Variants in CSMD1 observed in about 807,000 individuals in gnomAD.
The protein encoded by CSMD1 is CUB and Sushi multiple domains 1, also known as CUB and sushi domain-containing protein 1.
Under a neutral mutation model 417.5 loss-of-function variants are expected in CSMD1, and 213 were observed. The observed-to-expected ratio is 0.51, with a 90% CI of 0.46 to 0.57. The LOEUF (loss-of-function observed/expected upper bound fraction) is 0.57. Ranked by LOEUF, CSMD1 falls within the 20% of genes least tolerant of loss-of-function variation. CSMD1 has a pLI of 0.00. For synonymous variants in CSMD1, 2,862 were observed against 1,736.8 expected (o/e 1.65, Z -16.11); for missense variants, 6,923 against 4,529.7 (o/e 1.53, Z -15.17).
At chr8:4,445,676 C>G (rs1442274407) in intron 2 of CSMD1, among the ~76,000 whole-genome samples, 3 of 152,184 alleles carry the variant, frequency 2.0e-5, no homozygotes, top group African/African-American at 7.2e-5. Flanking sequence ...GAGAACATTA[C>G]ATTGTCACTT....
intron 3 of CSMD1, among the ~76,000 whole-genome samples, chr8:4,319,680 G>T (rs1425733607): frequency 6.6e-6 from 1 of 152,090 alleles, no homozygotes; most frequent in Non-Finnish European, 1.5e-5. Flanking sequence ...ACAGAGAAGG[G>T]AAGCAATCCA....
intron 3 of CSMD1, among the ~76,000 whole-genome samples, chr8:4,396,705 G>A (rs1404935670): frequency 6.6e-6 from 1 of 151,804 alleles, no homozygotes; most frequent in African/African-American, 2.4e-5. Context: ...GCCATAAAAT[G>A]GAATGAAATC....
intron 5 of CSMD1, among the ~76,000 whole-genome samples, chr8:3,931,120 T>C (rs563689484): frequency 2.1e-4 from 32 of 150,730 alleles, no homozygotes; most frequent in African/African-American, 7.3e-4. Flanking sequence ...TAGGCCGATA[T>C]TGCAGGGTAA....
intron 6 of CSMD1, among the ~76,000 whole-genome samples, chr8:3,726,575 G>A (rs1563314952): frequency 6.6e-6 from 1 of 152,314 alleles, no homozygotes; most frequent in African/African-American, 2.4e-5. Flanking sequence ...TTCAGGAGAA[G>A]CAGGAAATCT....
intron 10 of CSMD1, among the ~76,000 whole-genome samples, chr8:3,498,912 A>G (rs1407325612): frequency 1.3e-5 from 2 of 151,772 alleles, no homozygotes; most frequent in Non-Finnish European, 2.9e-5. Context: ...TACTTTTTGA[A>G]TTGTCTATTT....
At chr8:3,526,336 T>A (rs981551398) in intron 10 of CSMD1, among the ~76,000 whole-genome samples, 1 of 152,088 alleles carries the variant, frequency 6.6e-6, no homozygotes, top group African/African-American at 2.4e-5. Context: ...TTGTGGAAAT[T>A]GGACACTCCA....
Position 3,505,181 on chromosome 8 carries a change from A to T in CSMD1, c.1345-11455T>A, listed in dbSNP as rs372393642. On this transcript the variant is annotated intron_variant, in intron 10 of 69. Coordinates refer to ENST00000635120, the MANE Select transcript of CSMD1 (RefSeq NM_033225.6). ...TATGAAAGAGGGTAGAGTAAGTATT[A>T]AAAAATGAGAGACTGGGAATGTAAA... Among the ~76,000 whole-genome samples, 3 of 152,326 alleles carry T rather than the reference A, an allele frequency of 2.0e-5. No homozygotes were observed. The East Asian group carries it at 5.8e-4, about 29-fold the overall frequency.
chr8:3,654,470 C>A (rs1035687294), intron 7 of CSMD1, among the ~76,000 whole-genome samples: 5 of 152,108 alleles, frequency 3.3e-5, no homozygotes, highest in Non-Finnish European at 5.9e-5. Flanking sequence ...AGAGGGTACA[C>A]AGGAGCTTTT....
intron 2 of CSMD1, among the ~76,000 whole-genome samples, chr8:4,469,016 G>T (rs1021262509): frequency 6.6e-6 from 1 of 152,156 alleles, no homozygotes; most frequent in African/African-American, 2.4e-5. Context: ...AGGAAAAAAA[G>T]TTCAAAAGAC....
At chr8:3,864,552 T>A (rs2129107388) in intron 5 of CSMD1, among the ~76,000 whole-genome samples, 1 of 152,304 alleles carries the variant, frequency 6.6e-6, no homozygotes, top group Admixed American at 6.5e-5. Flanking sequence ...TGTGCCATGT[T>A]GGTGTACTGC....
At position 3,488,462 on chromosome 8, in the gene CSMD1, A is replaced by G. The variant is rs376358829; in HGVS notation, c.1448+5161T>C. 7.2e-5 allele frequency among the ~76,000 whole-genome samples: 11 copies of G among 152,330 alleles called. No homozygotes were observed. The East Asian group carries it at 1.9e-3, about 27-fold the overall frequency. On this transcript the variant is annotated intron_variant, in intron 11 of 69. Transcript: ENST00000635120. ...AAGGCTAAAACCGATAGATAAATGT[A>G]TCTGGAAGATAGTATGCTTCTTGCA... is the stretch of plus-strand genomic sequence containing the variant.
At chr8:4,987,468 A>C (rs890822544) in intron 1 of CSMD1, among the ~76,000 whole-genome samples, 1 of 152,232 alleles carries the variant, frequency 6.6e-6, no homozygotes, top group African/African-American at 2.4e-5. Context: ...TATCTGAATA[A>C]TTCAGACAAA....
intron 17 of CSMD1, among the ~76,000 whole-genome samples, chr8:3,394,376 G>C (rs571127255): frequency 6.6e-6 from 1 of 151,140 alleles, no homozygotes; most frequent in South Asian, 2.1e-4. Flanking sequence ...TTTCCAGAAA[G>C]AGAAATAAGA....
At chr8:3,330,688 A>C (rs1269960276) in intron 23 of CSMD1, among the ~76,000 whole-genome samples, 1 of 151,886 alleles carries the variant, frequency 6.6e-6, no homozygotes. Context: ...TGTACAACAA[A>C]CCCCCGTGAC....
intron 37 of CSMD1, among the ~76,000 whole-genome samples, chr8:3,168,442 T>C (rs1398050045): frequency 6.6e-6 from 1 of 152,028 alleles, no homozygotes; most frequent in Non-Finnish European, 1.5e-5. Context: ...ATTCGAAAAA[T>C]CGCATTAAAG....
chr8:4,370,030 G>T (rs774712934), intron 3 of CSMD1, among the ~76,000 whole-genome samples: 10 of 151,902 alleles, frequency 6.6e-5, no homozygotes, highest in Non-Finnish European at 1.5e-4. Flanking sequence ...TTGTATAGTT[G>T]ATTTATAATG....
At chr8:3,567,626 G>C (rs778193624) in intron 10 of CSMD1, among the ~76,000 whole-genome samples, 1 of 152,044 alleles carries the variant, frequency 6.6e-6, no homozygotes, top group East Asian at 1.9e-4. Flanking sequence ...CTATCATCTG[G>C]TATCAGCTCA....
intron 5 of CSMD1, among the ~76,000 whole-genome samples, chr8:3,996,692 G>A (rs182479902): frequency 1.3e-5 from 2 of 152,108 alleles, no homozygotes; most frequent in African/African-American, 2.4e-5. Flanking sequence ...GTGTTGTTCA[G>A]CATGAAAAAA....
In CSMD1 at chr8:2,936,265, C is replaced by T. The variant is rs1034028499; in HGVS notation, c.*2320G>A. On this transcript the variant is annotated 3_prime_UTR_variant, in exon 70 of 70. Coordinates refer to ENST00000635120, the MANE Select transcript of CSMD1 (RefSeq NM_033225.6). The stretch of plus-strand genomic sequence containing the variant: ...CTGTCATTTCAGGATTTCATAGCAT[C>T]GTTGACCAGGGAGCAGGTCAGGGAT... 2.6e-5 allele frequency: 4 copies of T among 151,770 alleles called. No homozygotes were observed. The highest frequency in any genetic ancestry group is 1.9e-4 in the East Asian group (1 of 5,176). The allele number at this position is 151,770 out of a possible 1,614,324, so 9.4% of individuals were successfully genotyped here.
Sources: gnomAD v4.1 joint callset for allele counts (sites outside exome capture counted in the v4.1 genomes callset) on GRCh38, gnomAD v4.1.1 for gene constraint, MANE v1.5 for transcripts, NCBI Gene and HGNC (gene_info 2026-07-23, HGNC 2026-07-21) for gene names.